GUCY2D: variants seen among roughly 807,000 people sequenced by gnomAD.
GUCY2D encodes guanylate cyclase 2D, retinal.
In GUCY2D, 70 loss-of-function variants were observed where a neutral mutation model predicts 101.3. That is an observed-to-expected ratio of 0.69 (90% CI 0.57 to 0.84). GUCY2D has a LOEUF of 0.84. Among genes scored for constraint, GUCY2D ranks in the 40% least tolerant of loss-of-function variants. The pLI is 0.00. For synonymous variants in GUCY2D, 688 were observed against 670.7 expected (o/e 1.03, Z -0.40); for missense variants, 1,460 against 1,542.5 (o/e 0.95, Z 0.90).
Position 8,013,872 on chromosome 17 carries a change from G to T in GUCY2D, c.2264-8G>T, listed in dbSNP as rs1975905402. The T allele has an allele frequency of 6.2e-7, 1 of 1,612,822 alleles. No homozygotes were observed. On this transcript the variant is annotated splice_polypyrimidine_tract_variant and splice_region_variant and intron_variant, in intron 11 of 19. Transcript: ENST00000254854. This position sits in a 1 kb window ranked among gnomAD's most constrained non-coding sequence, Gnocchi z 5.0. ...GCACTCCCCCTCACTGTCCCCTCAT[G>T]CCTCCAGAAGTGGTGCAGAGGGTGC... is the stretch of plus-strand genomic sequence containing the variant.
chr17:8,015,087 A>G, intron 14 of GUCY2D, 36 bp downstream of exon 14: 1 of 1,569,736 alleles, frequency 6.4e-7, no homozygotes, highest in Non-Finnish European at 8.7e-7. Context: ...CCTGACCTTC[A>G]ATTCAGCTTC....
At chr17:8,019,183 C>A (rs754747609) in intron 19 of GUCY2D, among the ~76,000 whole-genome samples, 1 of 152,186 alleles carries the variant, frequency 6.6e-6, no homozygotes, top group Non-Finnish European at 1.5e-5. Flanking sequence ...TTGGACCTGA[C>A]TGTGTGGATA....
Position 8,014,455 on chromosome 17 carries a change from G to A in GUCY2D, c.2413-146G>A. The A allele has an allele frequency of 1.3e-6, 1 of 783,514 alleles. No individual in the cohort carries two copies. Among genetic ancestry groups the A allele is most frequent in the Non-Finnish European group, 2.2e-6 (1 of 447,266 alleles). 48.5% of individuals were successfully genotyped at this position (783,514 alleles called of 1,614,324 possible). A position where few individuals can be genotyped will look rare whatever the true frequency, so the allele number is the denominator to read the frequency against. On this transcript the variant is annotated intron_variant, in intron 12 of 19. Coordinates refer to ENST00000254854, the MANE Select transcript of GUCY2D (RefSeq NM_000180.4). The surrounding 1 kb of genome is among the most constrained non-coding windows in gnomAD (Gnocchi z 4.0). ...TGAAAACACAGTGCCCAGCACCCCG[G>A]GGTGCTTGATGAATAGTAGATGAAT... is the stretch of plus-strand genomic sequence containing the variant.
rs768812125 is a variant in GUCY2D, at chr17:8,006,367, C to G, written c.1031C>G (p.Ser344Cys). 85 of 1,599,810 alleles carry G rather than the reference C, an allele frequency of 5.3e-5. No individual in the cohort carries two copies. The highest frequency in any genetic ancestry group is 7.0e-5 in the Non-Finnish European group (83 of 1,179,712). The change falls in exon 4 of 20, where the codon TCC (serine) becomes TGC (cysteine). Residue 344 changes from serine (S) to cysteine (C), a missense_variant. By Grantham distance (112) the Ser-to-Cys change is moderately radical. Transcript: ENST00000254854. ...GCCCCTACTCTCCTTCTCCAGGTCT[C>G]CCCACTCTTTGGCACCATCTATGAC... is the stretch of plus-strand genomic sequence containing the variant. ...LPSDLNLQQV[S>C]PLFGTIYDAV... is the part of the protein sequence containing the mutation.
chr17:8,002,842 G>A lies in GUCY2D; in HGVS notation c.-10+108G>A, dbSNP rs1031724953. 39 of 536,124 alleles carry A rather than the reference G, an allele frequency of 7.3e-5. No homozygotes were observed. The highest frequency in any genetic ancestry group is 8.1e-5 in the Non-Finnish European group (25 of 307,214). 33.2% of individuals were successfully genotyped at this position (536,124 alleles called of 1,614,324 possible). On this transcript the variant is annotated intron_variant, in intron 1 of 19. Transcript: ENST00000254854. This position sits in a 1 kb window ranked among gnomAD's most constrained non-coding sequence, Gnocchi z 4.9. The stretch of plus-strand genomic sequence containing the variant: ...GGGGGGAGGGGCAGGCCGGGTGGGA[G>A]CGGGAAGCCGGGGCGGCAGAAGGGG...
chr17:8,009,819 T>C (rs955057456), intron 8 of GUCY2D, among the ~76,000 whole-genome samples: 40 of 151,894 alleles, frequency 2.6e-4, no homozygotes, highest in African/African-American at 8.7e-4. Flanking sequence ...TCTCCAAAAA[T>C]TTTAAAATTA....
At position 8,007,492 on chromosome 17, in the gene GUCY2D, C is replaced by A; in HGVS notation, c.1530C>A (p.Ile510=). 1 of 1,611,568 alleles carries A rather than the reference C, an allele frequency of 6.2e-7. No individual in the cohort carries two copies. The highest frequency in any genetic ancestry group is 8.5e-7 in the Non-Finnish European group (1 of 1,177,676). Residue 510 remains isoleucine, a synonymous_variant, in exon 6 of 20, where the codon ATC becomes ATA. Coordinates refer to ENST00000254854, the MANE Select transcript of GUCY2D (RefSeq NM_000180.4). ...PNKIILTVDD[I]TFLHPHGGTS... is the part of the protein sequence containing the mutation. ...AGATCATCCTGACCGTGGACGACAT[C>A]ACCTTTCTCCACCCACATGGGGGCA...
At position 8,014,974 on chromosome 17, in the gene GUCY2D, C is replaced by G. The variant is rs1432474619; in HGVS notation, c.2692C>G (p.Pro898Ala). Residue 898 changes from proline (P) to alanine (A), a missense_variant, in exon 14 of 20, where the codon CCC becomes GCC. Transcript: ENST00000254854. This position sits in a 1 kb window ranked among gnomAD's most constrained non-coding sequence, Gnocchi z 4.0. ...GFTTISAMSE[P>A]IEVVDLLNDL... ...CACCACCATCTCTGCCATGAGTGAGCCCATTGAGGTTGTGGACCTGCTCAA... is the reference window on the plus strand; with the variant it reads ...CACCACCATCTCTGCCATGAGTGAGGCCATTGAGGTTGTGGACCTGCTCAA... The G allele has an allele frequency of 6.2e-7, 1 of 1,613,732 alleles. No individual in the cohort carries two copies.
chr17:8,012,128 A>G lies in GUCY2D; in HGVS notation c.1750-16A>G, dbSNP rs772221900. On this transcript the variant is annotated splice_polypyrimidine_tract_variant and intron_variant, in intron 8 of 19. Transcript: ENST00000254854. ...TGCCCTGGGCAGAAAATGCAAGTCA[A>G]CTCTCCCCCTCTCAGCTCCAGGAGC... 3.8e-6 allele frequency: 6 copies of G among 1,597,972 alleles called. No individual in the cohort carries two copies. In the East Asian group the frequency reaches 1.3e-4, roughly 36 times the overall value.
At chr17:8,007,366 T>G in intron 5 of GUCY2D, 60 bp from the exon 6 acceptor site, 1 of 1,182,254 alleles carries the variant, frequency 8.5e-7, no homozygotes, top group Non-Finnish European at 1.3e-6. Flanking sequence ...CCGCATCCCC[T>G]GCTGGTCTCT....
In GUCY2D at chr17:8,007,948, A is replaced by G. The variant is rs144659131; in HGVS notation, c.1584A>G (p.Arg528=). Residue 528 remains arginine, a synonymous_variant, in exon 7 of 20, where the codon CGA becomes CGG. Coordinates refer to ENST00000254854, the MANE Select transcript of GUCY2D (RefSeq NM_000180.4). ...CCTGCTAGGTGGCCCAGGGGAGTCG[A>G]TCAAGTCTGGGTGCCCGCAGCATGT... ...GTSRKVAQGS[R]SSLGARSMSD... 57 of 1,613,060 alleles carry G rather than the reference A, an allele frequency of 3.5e-5. No individual in the cohort carries two copies. In the African/African-American group the frequency reaches 6.3e-4, roughly 18 times the overall value.
chr17:8,016,885 G>T, intron 19 of GUCY2D: 1 of 247,798 alleles, frequency 4.0e-6, no homozygotes, highest in African/African-American at 2.2e-5. Flanking sequence ...CTAGGGGGCA[G>T]CAGTCACCAG....
At chr17:8,009,188 G>A (rs1975801141) in intron 7 of GUCY2D, among the ~76,000 whole-genome samples, 1 of 152,212 alleles carries the variant, frequency 6.6e-6, no homozygotes, top group Non-Finnish European at 1.5e-5. Context: ...CATGGCAGTG[G>A]ATGGTAATGA....
chr17:8,013,964 T>A lies in GUCY2D; in HGVS notation c.2348T>A (p.Leu783Gln). The change falls in exon 12 of 20, where the codon CTG becomes CAG. Residue 783 changes from leucine (L) to glutamine (Q), a missense_variant. Leu to Gln is a moderately radical substitution (Grantham distance 113). Around this residue, in one of 3 missense-constraint regions of GUCY2D, gnomAD observed 1,196 missense variants for 1,229.6 expected, o/e 0.97. Coordinates refer to ENST00000254854, the MANE Select transcript of GUCY2D (RefSeq NM_000180.4). This position sits in a 1 kb window ranked among gnomAD's most constrained non-coding sequence, Gnocchi z 5.0. ...CAGGCACCTGTCGAGTGTATCCTCC[T>A]GATGAAGCAGTGCTGGGCAGAGCAG... Reference protein sequence around the residue: ...MDQAPVECILLMKQCWAEQPE... With the variant: ...MDQAPVECILQMKQCWAEQPE... The A allele has an allele frequency of 6.2e-7, 1 of 1,613,764 alleles. No homozygotes were observed. Among genetic ancestry groups the A allele is most frequent in the Non-Finnish European group, 8.5e-7 (1 of 1,179,728 alleles).
chr17:8,014,890 C>T lies in GUCY2D; in HGVS notation c.2608C>T (p.Pro870Ser). ...SVAEALKTGT[P>S]VEPEYFEQVT... ...GGCTGAGGCCTTGAAGACGGGGACA[C>T]CAGTGGAGCCCGAGTACTTTGAGCA... The change falls in exon 14 of 20, where the codon CCA becomes TCA. Residue 870 changes from proline to serine, a missense_variant. Physicochemically the swap from Pro to Ser is moderately conservative, Grantham distance 74. Coordinates refer to ENST00000254854, the MANE Select transcript of GUCY2D (RefSeq NM_000180.4). The surrounding 1 kb of genome is among the most constrained non-coding windows in gnomAD (Gnocchi z 4.0). The T allele has an allele frequency of 6.2e-7, 1 of 1,614,148 alleles. No individual in the cohort carries two copies. Among genetic ancestry groups the T allele is most frequent in the East Asian group, 2.2e-5 (1 of 44,876 alleles).
In GUCY2D at chr17:8,011,706, G is replaced by A. The variant is rs1975853838; in HGVS notation, c.1750-438G>A. ...TATCTAGGCATGGTGGCACAAGCCT[G>A]TAGTCCCAGCTATTCAGGAGGCTGA... On this transcript the variant is annotated intron_variant, in intron 8 of 19. Coordinates refer to ENST00000254854, the MANE Select transcript of GUCY2D (RefSeq NM_000180.4). The surrounding 1 kb of genome is among the most constrained non-coding windows in gnomAD (Gnocchi z 4.3). Among the ~76,000 whole-genome samples, 3 of 152,196 alleles carry A rather than the reference G, an allele frequency of 2.0e-5. No homozygotes were observed. In the South Asian group the frequency reaches 6.2e-4, roughly 32 times the overall value.
chr17:8,007,012 C>T, intron 4 of GUCY2D, 48 bp from the exon 5 acceptor site: 1 of 1,473,216 alleles, frequency 6.8e-7, no homozygotes, highest in Non-Finnish European at 9.5e-7. Context: ...GAGAAGAGGC[C>T]TCCCCTGGCA....
In GUCY2D at chr17:8,004,383, A is replaced by G. The variant is rs143535791; in HGVS notation, c.1026+227A>G. On this transcript the variant is annotated intron_variant, in intron 3 of 19. Coordinates refer to ENST00000254854, the MANE Select transcript of GUCY2D (RefSeq NM_000180.4). Reference sequence around the variant, plus strand: ...TCTCAAGTCCAACATCAAGCAGTAAACTCTAATGAACTGTAAACTGCAAAA... The same window carrying G: ...TCTCAAGTCCAACATCAAGCAGTAAGCTCTAATGAACTGTAAACTGCAAAA... 6.7e-4 allele frequency among the ~76,000 whole-genome samples: 102 copies of G among 152,214 alleles called. No homozygotes were observed. The South Asian group carries it at 8.1e-3, about 12-fold the overall frequency.
At position 8,007,505 on chromosome 17, in the gene GUCY2D, C is replaced by G. The variant is rs764907748; in HGVS notation, c.1543C>G (p.Pro515Ala). The G allele has an allele frequency of 2.6e-5, 41 of 1,607,344 alleles. No individual in the cohort carries two copies. Among genetic ancestry groups the G allele is most frequent in the Non-Finnish European group, 3.5e-5 (41 of 1,174,024 alleles). ...LTVDDITFLH[P>A]HGGTSRKVAQ... ...CGTGGACGACATCACCTTTCTCCAC[C>G]CACATGGGGGCACCTCTCGAAAGGT... is the stretch of plus-strand genomic sequence containing the variant. Residue 515 changes from proline to alanine, a missense_variant, in exon 6 of 20, where the codon CCA (proline) becomes GCA (alanine). By Grantham distance (27) the Pro-to-Ala change is conservative. This residue lies in a region of GUCY2D where 1,196 missense variants were observed against 1,229.6 expected (regional missense o/e 0.97). Transcript: ENST00000254854.
Sources: gnomAD v4.1 joint callset for allele counts (sites outside exome capture counted in the v4.1 genomes callset) on GRCh38, gnomAD v4.1.1 for gene constraint, gnomAD v4.1.1 regional missense constraint, Gnocchi (gnomAD v3.1) non-coding constraint, MANE v1.5 for transcripts, NCBI Gene and HGNC (gene_info 2026-07-23, HGNC 2026-07-21) for gene names.